RBFOX1: variants seen among roughly 807,000 people sequenced by gnomAD.
The protein encoded by RBFOX1 is RNA binding protein fox-1 homolog 1.
In RBFOX1, 8 loss-of-function variants were observed where a neutral mutation model predicts 57.7. The ratio of observed to expected loss-of-function variants is 0.14; its 90% CI spans 0.08 to 0.25. The LOEUF is 0.25. Ranked by LOEUF, RBFOX1 falls within the 10% of genes least tolerant of loss-of-function variation. The pLI, the probability that RBFOX1 is intolerant of heterozygous loss-of-function variation, is 1.00. For synonymous variants in RBFOX1, 326 were observed against 222.4 expected, an observed-to-expected ratio of 1.47 and a Z score of -4.15; for missense variants, 611 against 548.5, an observed-to-expected ratio of 1.11 and a Z score of -1.14.
intron 1 of RBFOX1, among the ~76,000 whole-genome samples, chr16:5,340,223 A>T (rs1008257401): frequency 6.6e-6 from 1 of 152,212 alleles, no homozygotes; most frequent in African/African-American, 2.4e-5. Context: ...GTTTGTCCAT[A>T]AACCCAGAGC....
chr16:7,157,253 A>T (rs1190312714), intron 4 of RBFOX1, among the ~76,000 whole-genome samples: 2 of 152,192 alleles, frequency 1.3e-5, no homozygotes, highest in African/African-American at 2.4e-5. Context: ...CATGAATGCT[A>T]CCCAGGCTCT....
Position 5,947,869 on chromosome 16 carries a change from C to T in RBFOX1, c.351+80534C>T, listed in dbSNP as rs1312697594. On this transcript the variant is annotated intron_variant, in intron 4 of 19. Coordinates refer to the RBFOX1 transcript ENST00000641259. The surrounding 1 kb of genome is among the most constrained non-coding windows in gnomAD (Gnocchi z 7.2). ...AGTACCTGTTGTAATTACCGGGCCA[C>T]CCGTAACGGGAGTTTATGTAATTAT... is the stretch of plus-strand genomic sequence containing the variant. 2.0e-5 allele frequency among the ~76,000 whole-genome samples: 3 copies of T among 152,172 alleles called. No homozygotes were observed. Among genetic ancestry groups the T allele is most frequent in the African/African-American group, 7.2e-5 (3 of 41,438 alleles).
intron 3 of RBFOX1, among the ~76,000 whole-genome samples, chr16:6,785,896 C>T (rs2081877631): frequency 6.6e-6 from 1 of 152,192 alleles, no homozygotes; most frequent in African/African-American, 2.4e-5. Context: ...CTCCGCTTAG[C>T]ATTTACAAAA....
At chr16:6,258,580 G>A (rs1174119003) in intron 1 of RBFOX1, among the ~76,000 whole-genome samples, 1 of 152,174 alleles carries the variant, frequency 6.6e-6, no homozygotes. Flanking sequence ...CCAGGGCAGT[G>A]TCATACTGAA....
chr16:7,366,049 C>G (rs1331959625), intron 4 of RBFOX1, among the ~76,000 whole-genome samples: 1 of 152,136 alleles, frequency 6.6e-6, no homozygotes, highest in Non-Finnish European at 1.5e-5. Flanking sequence ...TTTGATTGGC[C>G]TGGCGGAGGT....
chr16:6,929,962 A>G lies in RBFOX1; in HGVS notation c.-15-122095A>G, dbSNP rs753503508. Among the ~76,000 whole-genome samples the G allele has an allele frequency of 2.0e-5, 3 of 152,212 alleles. No homozygotes were observed. The East Asian group carries it at 5.8e-4, about 29-fold the overall frequency. ...CTTACCCCATAGTTCGTCAGGAATC[A>G]GAATGACTGGCAAACCTGTCCAGGA... is the stretch of plus-strand genomic sequence containing the variant. On this transcript the variant is annotated intron_variant, in intron 3 of 15. Coordinates refer to ENST00000550418, the MANE Select transcript of RBFOX1 (RefSeq NM_018723.4).
chr16:6,184,891 A>T (rs1426545263), intron 1 of RBFOX1, among the ~76,000 whole-genome samples: 5 of 152,148 alleles, frequency 3.3e-5, no homozygotes, highest in Admixed American at 1.3e-4. Flanking sequence ...AAGCTTGAGC[A>T]TTCAGAAAAT....
At position 5,370,602 on chromosome 16, in the gene RBFOX1, C is replaced by T. The variant is rs554982423; in HGVS notation, c.220-96614C>T. ...CTAATTCCTGGCCTGGAGTGATCCT[C>T]CTGCCTCAGCCTCCTAAGCAGCTGA... On this transcript the variant is annotated intron_variant, in intron 1 of 2. Transcript: ENST00000585867. Among the ~76,000 whole-genome samples, 3 of 152,186 alleles carry T rather than the reference C, an allele frequency of 2.0e-5. No individual in the cohort carries two copies. The East Asian group carries it at 5.8e-4, about 29-fold the overall frequency.
chr16:6,007,330 G>T (rs1326982823), intron 4 of RBFOX1, among the ~76,000 whole-genome samples: 1 of 152,172 alleles, frequency 6.6e-6, no homozygotes, highest in African/African-American at 2.4e-5. Context: ...ATCCTGAGCT[G>T]CCCACTGGAG....
intron 1 of RBFOX1, among the ~76,000 whole-genome samples, chr16:5,466,526 G>C (rs1304575022): frequency 6.6e-6 from 1 of 152,200 alleles, no homozygotes; most frequent in Admixed American, 6.5e-5. Context: ...AAGGCAGCTA[G>C]GGTTTCTGTG....
chr16:5,512,758 C>T (rs2043649240), intron 2 of RBFOX1, among the ~76,000 whole-genome samples: 1 of 152,102 alleles, frequency 6.6e-6, no homozygotes, highest in African/African-American at 2.4e-5. Flanking sequence ...ACTAACAGAC[C>T]CGTATTGATG....
rs569213311 is a variant in RBFOX1 at position 6,599,496 on chromosome 16, C to T, written c.-63-55107C>T. Reference sequence around the variant, plus strand: ...AATACTAAGCGACACACCTAAAGGGCTTAAACACTAATAAGTGAGAGAATC... The same window carrying T: ...AATACTAAGCGACACACCTAAAGGGTTTAAACACTAATAAGTGAGAGAATC... On this transcript the variant is annotated intron_variant, in intron 2 of 15. Coordinates refer to ENST00000550418, the MANE Select transcript of RBFOX1 (RefSeq NM_018723.4). Among the ~76,000 whole-genome samples the T allele has an allele frequency of 7.9e-5, 12 of 152,294 alleles. No homozygotes were observed. In the South Asian group the frequency reaches 2.5e-3, roughly 32 times the overall value.
rs974642920 is a variant in RBFOX1 at position 6,677,557 on chromosome 16, C to T, written c.-16+22907C>T. 4.6e-5 allele frequency among the ~76,000 whole-genome samples: 7 copies of T among 152,174 alleles called. 1 individual carries two copies. The South Asian group carries it at 1.5e-3, about 32-fold the overall frequency. On this transcript the variant is annotated intron_variant, in intron 3 of 15. Transcript: ENST00000550418. ...GAGCTAGGATTAAATAAAAATTAAG[C>T]CCGGAAGCAGAGTAATGACTCAGCA...
intron 4 of RBFOX1, among the ~76,000 whole-genome samples, chr16:7,279,638 G>T (rs2095504009): frequency 6.6e-6 from 1 of 152,224 alleles, no homozygotes; most frequent in African/African-American, 2.4e-5. Flanking sequence ...GGCCTGGCAT[G>T]GAGGTGAGCT....
intron 3 of RBFOX1, among the ~76,000 whole-genome samples, chr16:6,725,048 T>C (rs1324088359): frequency 2.3e-5 from 1 of 44,184 alleles, no homozygotes; most frequent in Non-Finnish European, 8.1e-5. Flanking sequence ...CTAGCTTTTT[T>C]TTTTTTTTTC....
intron 1 of RBFOX1, among the ~76,000 whole-genome samples, chr16:5,275,845 C>A (rs1206212466): frequency 6.6e-6 from 1 of 152,100 alleles, no homozygotes; most frequent in Admixed American, 6.5e-5. Context: ...AGGCACATGA[C>A]CAATGGAACA....
intron 4 of RBFOX1, among the ~76,000 whole-genome samples, chr16:5,934,642 T>C (rs1248673532): frequency 1.3e-5 from 2 of 152,216 alleles, no homozygotes; most frequent in South Asian, 4.1e-4. Flanking sequence ...TTTGAGATGA[T>C]GGATATGCTG....
At chr16:5,453,505 A>G (rs865939021) in intron 1 of RBFOX1, among the ~76,000 whole-genome samples, 2 of 152,114 alleles carry the variant, frequency 1.3e-5, no homozygotes, top group Non-Finnish European at 2.9e-5. Flanking sequence ...TTCATCAACA[A>G]TTCATGCTCT....
chr16:5,565,351 C>A (rs868611069), intron 2 of RBFOX1, among the ~76,000 whole-genome samples: 1 of 152,074 alleles, frequency 6.6e-6, no homozygotes, highest in Non-Finnish European at 1.5e-5. Context: ...CATGGCCGGG[C>A]GCAGTGGCTC....
Sources: allele counts gnomAD v4.1 joint callset (sites outside exome capture counted in the v4.1 genomes callset), GRCh38; gene constraint gnomAD v4.1.1; non-coding constraint Gnocchi (gnomAD v3.1); transcripts MANE v1.5; gene names NCBI Gene and HGNC (gene_info 2026-07-23, HGNC 2026-07-21).